The following MGMT variants were observed in gnomAD, a reference collection of about 807,000 sequenced individuals.
The protein encoded by MGMT is O-6-methylguanine-DNA methyltransferase.
MGMT carries 14 observed loss-of-function variants against 15.9 expected under a neutral mutation model. That is an observed-to-expected ratio of 0.88 (90% CI 0.58 to 1.37). MGMT has a LOEUF of 1.37. Ranked by LOEUF, MGMT falls within the 40% of genes most tolerant of loss-of-function variation. MGMT has a pLI of 0.00. For synonymous variants in MGMT, 130 were observed against 118.2 expected (o/e 1.10, Z -0.65); for missense variants, 282 against 268.1 (o/e 1.05, Z -0.36).
chr10:129,543,942 G>A (rs955476983), intron 2 of MGMT, among the ~76,000 whole-genome samples: 1 of 152,220 alleles, frequency 6.6e-6, no homozygotes, highest in African/African-American at 2.4e-5. Flanking sequence ...AACATTTGGA[G>A]TAAAAGAGCA....
chr10:129,554,975 A>G (rs766872024), intron 2 of MGMT, among the ~76,000 whole-genome samples: 3 of 152,216 alleles, frequency 2.0e-5, no homozygotes, highest in Non-Finnish European at 4.4e-5. Flanking sequence ...GGGGACTATA[A>G]TAGCATCTAA....
At chr10:129,684,289 C>T (rs147432244) in intron 2 of MGMT, among the ~76,000 whole-genome samples, 1 of 152,168 alleles carries the variant, frequency 6.6e-6, no homozygotes, top group African/African-American at 2.4e-5. Context: ...ATATAACTGC[C>T]GAAGACTCTG....
chr10:129,656,155 C>T (rs1467594159), intron 2 of MGMT, among the ~76,000 whole-genome samples: 1 of 152,208 alleles, frequency 6.6e-6, no homozygotes, highest in Non-Finnish European at 1.5e-5. Context: ...TCCTGGAGTC[C>T]CTTCAGGACT....
intron 3 of MGMT, among the ~76,000 whole-genome samples, chr10:129,743,158 T>C (rs1304506198): frequency 6.6e-6 from 1 of 152,156 alleles, no homozygotes. Context: ...AATACCCGCT[T>C]TATCTCTACC....
intron 2 of MGMT, among the ~76,000 whole-genome samples, chr10:129,557,687 A>C (rs2119802455): frequency 6.6e-6 from 1 of 152,342 alleles, no homozygotes; most frequent in African/African-American, 2.4e-5. Context: ...TTTAGCTAGA[A>C]CAGGAACCCA....
chr10:129,595,347 C>T (rs1379566764), intron 2 of MGMT, among the ~76,000 whole-genome samples: 1 of 152,202 alleles, frequency 6.6e-6, no homozygotes, highest in Non-Finnish European at 1.5e-5. Context: ...TAGATGCATT[C>T]TTCCATGTTT....
intron 2 of MGMT, among the ~76,000 whole-genome samples, chr10:129,541,011 A>G (rs942248790): frequency 1.9e-4 from 29 of 152,212 alleles, no homozygotes; most frequent in Non-Finnish European, 2.1e-4. Context: ...CCGAGTGCCT[A>G]TGAGTCCCAG....
intron 2 of MGMT, among the ~76,000 whole-genome samples, chr10:129,604,502 GTCTGTGGGCTCAGGAGCACCC>G (rs1277126761): frequency 1.3e-5 from 2 of 152,366 alleles, no homozygotes; most frequent in East Asian, 3.9e-4. Context: ...CTTGTGGTCA[GTCTGTGGGCTCAGGAGCACCC>G]ATTTGGTCAA....
chr10:129,683,432 A>C (rs2133121996), intron 2 of MGMT, among the ~76,000 whole-genome samples: 1 of 152,320 alleles, frequency 6.6e-6, no homozygotes, highest in East Asian at 1.9e-4. Context: ...ACAACATAAA[A>C]AATTGGTTAA....
Position 129,710,737 on chromosome 10 carries a change from C to G in MGMT, c.274+2694C>G, listed in dbSNP as rs369496536. 2.6e-5 allele frequency among the ~76,000 whole-genome samples: 4 copies of G among 152,262 alleles called. No individual in the cohort carries two copies. In the East Asian group the frequency reaches 5.8e-4, roughly 22 times the overall value. ...AATCAACAGTGAGGGGGCAGGTCTT[C>G]TAGAGGAAAAGTCTTTTGACATCTC... On this transcript the variant is annotated intron_variant, in intron 3 of 4. Coordinates refer to ENST00000651593, the MANE Select transcript of MGMT (RefSeq NM_002412.5).
intron 3 of MGMT, among the ~76,000 whole-genome samples, chr10:129,719,706 T>C (rs188998910): frequency 6.6e-6 from 1 of 152,224 alleles, no homozygotes; most frequent in African/African-American, 2.4e-5. Context: ...CTTCACCTCT[T>C]AAAGACCCCA....
intron 1 of MGMT, among the ~76,000 whole-genome samples, chr10:129,514,382 T>C (rs918971601): frequency 6.6e-6 from 1 of 152,254 alleles, no homozygotes; most frequent in Non-Finnish European, 1.5e-5. Context: ...TTTGTTTTTA[T>C]TGAAACATAG....
At chr10:129,637,988 C>T (rs187504122) in intron 2 of MGMT, among the ~76,000 whole-genome samples, 88 of 152,294 alleles carry the variant, frequency 5.8e-4, no homozygotes, top group Admixed American at 4.1e-3. Context: ...GCCTTGCACT[C>T]GCGGGAGAGT....
chr10:129,720,735 G>A (rs547785461), intron 3 of MGMT, among the ~76,000 whole-genome samples: 1 of 152,344 alleles, frequency 6.6e-6, no homozygotes, highest in African/African-American at 2.4e-5. Flanking sequence ...TCAGAGCAGT[G>A]CCTGCCAATG....
At chr10:129,596,031 G>A (rs932993691) in intron 2 of MGMT, among the ~76,000 whole-genome samples, 3 of 152,106 alleles carry the variant, frequency 2.0e-5, no homozygotes, top group Non-Finnish European at 4.4e-5. Context: ...GTCAGACTAC[G>A]GAGGCTTGAA....
chr10:129,506,006 ATT>A (rs71478939), intron 1 of MGMT, among the ~76,000 whole-genome samples: 19 of 132,456 alleles, frequency 1.4e-4, no homozygotes, highest in Admixed American at 1.5e-4. Flanking sequence ...TGCAGTTGCT[ATT>A]TTTTTTTTTT....
chr10:129,725,376 C>T (rs1351286644), intron 3 of MGMT, among the ~76,000 whole-genome samples: 2 of 152,238 alleles, frequency 1.3e-5, no homozygotes, highest in Non-Finnish European at 2.9e-5. Context: ...GCCCGAAGTT[C>T]CATGTCAGTA....
chr10:129,592,479 T>A (rs1167943196), intron 2 of MGMT, among the ~76,000 whole-genome samples: 3 of 152,218 alleles, frequency 2.0e-5, no homozygotes, highest in Non-Finnish European at 4.4e-5. Flanking sequence ...GATAATGTTA[T>A]AAAATTATGC....
At chr10:129,657,707 G>GCACACACACACACACACACACACACA (rs57838117) in intron 2 of MGMT, among the ~76,000 whole-genome samples, 4 of 111,562 alleles carry the variant, frequency 3.6e-5, no homozygotes, top group African/African-American at 1.3e-4. Context: ...ACACACACAC[G>GCACACACACACACACACACACACACA]CACACACACA....
Sources: allele counts gnomAD v4.1 joint callset (sites outside exome capture counted in the v4.1 genomes callset), GRCh38; gene constraint gnomAD v4.1.1; transcripts MANE v1.5; gene names NCBI Gene and HGNC (gene_info 2026-07-23, HGNC 2026-07-21).